HCN1: variants seen among roughly 807,000 people sequenced by gnomAD.
HCN1 encodes hyperpolarization activated cyclic nucleotide gated potassium channel 1.
HCN1 carries 13 observed loss-of-function variants against 78.9 expected under a neutral mutation model. The observed-to-expected ratio is 0.16, with a 90% CI of 0.11 to 0.26. HCN1 has a LOEUF of 0.26. Among genes scored for constraint, HCN1 ranks in the 10% least tolerant of loss-of-function variants. The probability of loss-of-function intolerance (pLI) is 1.00; values close to 1 mark genes in which losing one functional copy is unlikely to be tolerated. For missense variants in HCN1, 810 were observed against 1,154.3 expected (o/e 0.70, Z 4.32); for synonymous variants, 552 against 455.5 (o/e 1.21, Z -2.70).
chr5:45,503,292 G>C (rs1742228370), intron 2 of HCN1, among the ~76,000 whole-genome samples: 1 of 152,032 alleles, frequency 6.6e-6, no homozygotes, highest in African/African-American at 2.4e-5. Flanking sequence ...AGGAAATAAA[G>C]GGGAAAAAGG....
chr5:45,454,057 C>T (rs577603780), intron 3 of HCN1, among the ~76,000 whole-genome samples: 1 of 152,216 alleles, frequency 6.6e-6, no homozygotes, highest in African/African-American at 2.4e-5. Flanking sequence ...TCTTACATTG[C>T]TAAAGCAACT....
chr5:45,685,225 G>A (rs1443614465), intron 1 of HCN1, among the ~76,000 whole-genome samples: 1 of 152,142 alleles, frequency 6.6e-6, no homozygotes, highest in Non-Finnish European at 1.5e-5. Context: ...ATACTTAACT[G>A]ATTTGAAATA....
intron 2 of HCN1, among the ~76,000 whole-genome samples, chr5:45,553,362 G>A (rs926036694): frequency 1.3e-5 from 2 of 151,782 alleles, no homozygotes; most frequent in Non-Finnish European, 2.9e-5. Flanking sequence ...ATCTCACTGA[G>A]GCTGTGAGTA....
intron 4 of HCN1, among the ~76,000 whole-genome samples, chr5:45,376,076 A>G (rs1456869228): frequency 2.1e-4 from 23 of 111,156 alleles, no homozygotes; most frequent in African/African-American, 6.4e-4. Context: ...ATATGTTATA[A>G]TATATATTAT....
chr5:45,438,171 T>C lies in HCN1; in HGVS notation c.1011+23675A>G, dbSNP rs186094049. On this transcript the variant is annotated intron_variant, in intron 3 of 7. Coordinates refer to ENST00000303230, the MANE Select transcript of HCN1 (RefSeq NM_021072.4). ...TACAAAGTAGTACCATTGGGAGATGTCTACCACACCAAATGAAAAAGCAAC... is the reference window on the plus strand; with the variant it reads ...TACAAAGTAGTACCATTGGGAGATGCCTACCACACCAAATGAAAAAGCAAC... 2.4e-3 allele frequency among the ~76,000 whole-genome samples: 360 copies of C among 152,324 alleles called. 2 individuals are homozygous for C. Among genetic ancestry groups the C allele is most frequent in the Non-Finnish European group, 6.8e-4 (46 of 68,022 alleles).
At position 45,465,722 on chromosome 5, in the gene HCN1, T is replaced by C. The variant is rs373619189; in HGVS notation, c.850-3715A>G. On this transcript the variant is annotated intron_variant, in intron 2 of 7. Transcript: ENST00000303230. ...GTGAGTCGAGATCATGCCACTGCACTTCAGCCTGAGTGACAAAGTGAGACT... is the reference window on the plus strand; with the variant it reads ...GTGAGTCGAGATCATGCCACTGCACCTCAGCCTGAGTGACAAAGTGAGACT... Among the ~76,000 whole-genome samples the C allele has an allele frequency of 1.7e-3, 266 of 152,242 alleles. 1 individual carries two copies. The highest frequency in any genetic ancestry group is 6.2e-3 in the African/African-American group (257 of 41,564).
intron 4 of HCN1, among the ~76,000 whole-genome samples, chr5:45,368,205 A>C (rs949068499): frequency 2.6e-5 from 4 of 151,998 alleles, no homozygotes; most frequent in Non-Finnish European, 4.4e-5. Flanking sequence ...CAATTTCTCA[A>C]AATCAGCTGA....
intron 2 of HCN1, among the ~76,000 whole-genome samples, chr5:45,604,434 C>T (rs1203559073): frequency 6.6e-6 from 1 of 151,656 alleles, no homozygotes; most frequent in African/African-American, 2.4e-5. Context: ...AAAGTCTGTG[C>T]TTTTGACACA....
intron 5 of HCN1, among the ~76,000 whole-genome samples, chr5:45,337,485 G>C (rs1204682712): frequency 6.6e-6 from 1 of 152,104 alleles, no homozygotes; most frequent in Non-Finnish European, 1.5e-5. Flanking sequence ...GCAAAATGCT[G>C]TCTCTAAGCT....
intron 3 of HCN1, among the ~76,000 whole-genome samples, chr5:45,423,035 G>C (rs1366530377): frequency 6.6e-6 from 1 of 152,014 alleles, no homozygotes; most frequent in Non-Finnish European, 1.5e-5. Context: ...ATAACTAAAA[G>C]CTTTGAGTAC....
intron 3 of HCN1, among the ~76,000 whole-genome samples, chr5:45,409,982 AC>A (rs1323305200): frequency 6.6e-6 from 1 of 151,898 alleles, no homozygotes; most frequent in African/African-American, 2.4e-5. Context: ...GAATTAAAAA[AC>A]AAAACAAAAA....
At chr5:45,409,386 A>G (rs1407928668) in intron 3 of HCN1, among the ~76,000 whole-genome samples, 1 of 152,110 alleles carries the variant, frequency 6.6e-6, no homozygotes, top group East Asian at 1.9e-4. Flanking sequence ...GGGCATAACT[A>G]AAATATAGAC....
intron 2 of HCN1, 156 bp downstream of exon 2, chr5:45,645,029 C>G: frequency 1.7e-6 from 1 of 602,114 alleles, no homozygotes; most frequent in Non-Finnish European, 2.9e-6. Context: ...TTTAGGGATA[C>G]AAATATATCA....
rs568239667 is a variant in HCN1 at position 45,627,644 on chromosome 5, T to C, written c.849+17541A>G. Among the ~76,000 whole-genome samples, 14 of 152,282 alleles carry C rather than the reference T, an allele frequency of 9.2e-5. 1 individual carries two copies. The South Asian group carries it at 2.9e-3, about 32-fold the overall frequency. On this transcript the variant is annotated intron_variant, in intron 2 of 7. Transcript: ENST00000303230. Reference sequence around the variant, plus strand: ...TATCATGTCTACTTTGCACCACATATATGCTGTTAGAAGAAAATAATTTCC... The same window carrying C: ...TATCATGTCTACTTTGCACCACATACATGCTGTTAGAAGAAAATAATTTCC...
intron 2 of HCN1, among the ~76,000 whole-genome samples, chr5:45,609,649 C>T (rs1259440103): frequency 6.6e-6 from 1 of 151,992 alleles, no homozygotes; most frequent in African/African-American, 2.4e-5. Context: ...TTATATAAAC[C>T]ATGATGGAGT....
At chr5:45,453,025 A>G (rs1014458484) in intron 3 of HCN1, among the ~76,000 whole-genome samples, 2 of 152,066 alleles carry the variant, frequency 1.3e-5, no homozygotes, top group African/African-American at 4.8e-5. Context: ...CAGGAGGGAT[A>G]AAAATGAGAT....
intron 3 of HCN1, among the ~76,000 whole-genome samples, chr5:45,453,331 AAAC>A (rs1264360195): frequency 2.0e-5 from 3 of 152,136 alleles, no homozygotes; most frequent in African/African-American, 2.4e-5. Context: ...CATCAATTCA[AAAC>A]AACATTTTTA....
intron 5 of HCN1, among the ~76,000 whole-genome samples, chr5:45,323,663 C>A (rs900411396): frequency 1.3e-5 from 2 of 151,906 alleles, no homozygotes; most frequent in Non-Finnish European, 2.9e-5. Context: ...GTGCTGCACC[C>A]ATTAACTCGT....
chr5:45,517,048 T>C (rs1742528201), intron 2 of HCN1, among the ~76,000 whole-genome samples: 1 of 151,934 alleles, frequency 6.6e-6, no homozygotes, highest in East Asian at 1.9e-4. Context: ...TGGAAAACTG[T>C]GTTAGGAAAA....
Sources: allele counts gnomAD v4.1 joint callset (sites outside exome capture counted in the v4.1 genomes callset), GRCh38; gene constraint gnomAD v4.1.1; transcripts MANE v1.5; gene names NCBI Gene and HGNC (gene_info 2026-07-23, HGNC 2026-07-21).